SHC3: variants seen among roughly 807,000 people sequenced by gnomAD.
The protein encoded by SHC3 is SHC adaptor protein 3, also known as SHC-transforming protein 3.
Under a neutral mutation model 60.4 loss-of-function variants are expected in SHC3, and 15 were observed. That is an observed-to-expected ratio of 0.25 (90% CI 0.17 to 0.38). The LOEUF (loss-of-function observed/expected upper bound fraction) is 0.38, where lower values mean the gene tolerates loss of function less well. Among genes scored for constraint, SHC3 ranks in the 10% least tolerant of loss-of-function variants. The probability of loss-of-function intolerance (pLI) is 1.00; values close to 1 mark genes in which losing one functional copy is unlikely to be tolerated. For missense variants in SHC3, 677 were observed against 786.1 expected (o/e 0.86, Z 1.66); for synonymous variants, 294 against 325.9 (o/e 0.90, Z 1.05).
chr9:89,045,565 G>A (rs7037021), intron 9 of SHC3, among the ~76,000 whole-genome samples, 181 bp downstream of exon 9: 19,031 of 152,118 alleles, frequency 0.13, 3,574 homozygotes, highest in African/African-American at 0.41. Flanking sequence ...GTGTGCCACC[G>A]CGCCTGACCA....
chr9:89,106,993 A>C (rs2118097326), intron 2 of SHC3, among the ~76,000 whole-genome samples: 1 of 152,218 alleles, frequency 6.6e-6, no homozygotes, highest in East Asian at 1.9e-4. Flanking sequence ...GGAAGGCTCC[A>C]GCCTAATGGG....
intron 1 of SHC3, among the ~76,000 whole-genome samples, chr9:89,146,283 G>T (rs1453823726): frequency 1.3e-5 from 2 of 151,888 alleles, no homozygotes; most frequent in Admixed American, 1.3e-4. Context: ...CTGGAACCTG[G>T]GAGGCGGAGG....
chr9:89,137,599 A>G (rs1826336741), intron 1 of SHC3, among the ~76,000 whole-genome samples: 1 of 152,206 alleles, frequency 6.6e-6, no homozygotes, highest in Non-Finnish European at 1.5e-5. Context: ...ATTAAAAATA[A>G]TAACTCAAGG....
In SHC3 at chr9:89,052,056, T is replaced by C; in HGVS notation, c.943A>G (p.Ile315Val). 1 of 1,614,012 alleles carries C rather than the reference T, an allele frequency of 6.2e-7. No individual in the cohort carries two copies. The highest frequency in any genetic ancestry group is 8.5e-7 in the Non-Finnish European group (1 of 1,179,892). ...ACTCACCGATCATGGAGAGCGGGAA[T>C]CTTGGTAGGACACTGTAAATATTGC... ...FKQYLQCPTK[I>V]PALHDRMQSL... Residue 315 changes from isoleucine (I) to valine (V), a missense_variant, in exon 7 of 12, where the codon ATT (isoleucine) becomes GTT (valine). Coordinates refer to ENST00000375835, the MANE Select transcript of SHC3 (RefSeq NM_016848.6).
chr9:89,081,970 G>A (rs1368918847), intron 2 of SHC3, among the ~76,000 whole-genome samples: 5 of 151,972 alleles, frequency 3.3e-5, no homozygotes, highest in African/African-American at 7.3e-5. Context: ...AGGTGACACT[G>A]ACAGCCCCAG....
intron 11 of SHC3, among the ~76,000 whole-genome samples, chr9:89,035,856 T>TATATATATATA (rs1317555722): frequency 0.016 from 1,449 of 88,124 alleles, 20 homozygotes; most frequent in Middle Eastern, 0.03. Context: ...TATAGATGTG[T>TATATATATATA]GTGTGTGTGT....
intron 2 of SHC3, among the ~76,000 whole-genome samples, chr9:89,080,391 A>G (rs372221788): frequency 1.1e-4 from 17 of 152,294 alleles, no homozygotes; most frequent in African/African-American, 3.9e-4. Flanking sequence ...AGCCAGCCCA[A>G]CCGCCAGATG....
rs1312776370 is a variant in SHC3 at position 89,178,010 on chromosome 9, GC to G, written c.450del (p.Gly152GlufsTer18). 2.4e-6 allele frequency: 3 copies of G among 1,236,020 alleles called. No homozygotes were observed. The highest frequency in any genetic ancestry group is 1.0e-6 in the Non-Finnish European group (1 of 990,732). 76.6% of individuals were successfully genotyped at this position (1,236,020 alleles called of 1,614,324 possible). Reference sequence around the variant, plus strand: ...ACCTTGACCACGTAGGTGACTCCGGGCCCCAGCACCTGGTCGCTGGCGTGCG... The same window carrying G: ...ACCTTGACCACGTAGGTGACTCCGGGCCCAGCACCTGGTCGCTGGCGTGCG... The part of the protein sequence containing the change: ...GAPHASDQVL[G>X]PGVTYVVKYL... On this transcript the variant is annotated frameshift_variant, in exon 1 of 12. Coordinates refer to ENST00000375835, the MANE Select transcript of SHC3 (RefSeq NM_016848.6). LOFTEE classifies it high-confidence loss of function. This position sits in a 1 kb window ranked among gnomAD's most constrained non-coding sequence, Gnocchi z 6.9.
At chr9:89,155,299 C>T (rs767151109) in intron 1 of SHC3, among the ~76,000 whole-genome samples, 5 of 152,310 alleles carry the variant, frequency 3.3e-5, no homozygotes, top group South Asian at 4.1e-4. Flanking sequence ...CGATGCCACA[C>T]GCCCTTAATT....
chr9:89,095,819 C>T (rs112518765), intron 2 of SHC3, among the ~76,000 whole-genome samples: 2 of 152,230 alleles, frequency 1.3e-5, no homozygotes, highest in African/African-American at 4.8e-5. Flanking sequence ...ATTAGTACCT[C>T]CAGTATTCCA....
At chr9:89,107,410 A>G (rs531616898) in intron 2 of SHC3, among the ~76,000 whole-genome samples, 1 of 152,320 alleles carries the variant, frequency 6.6e-6, no homozygotes, top group South Asian at 2.1e-4. Context: ...ATGCCCATGA[A>G]GCCAACACGA....
chr9:89,039,330 G>A (rs371852015), intron 10 of SHC3, among the ~76,000 whole-genome samples: 3 of 152,238 alleles, frequency 2.0e-5, no homozygotes, highest in East Asian at 3.8e-4. Context: ...AGCGTGGGCA[G>A]AAGTGAGGTG....
At chr9:89,080,701 A>T (rs1158046136) in intron 2 of SHC3, among the ~76,000 whole-genome samples, 1 of 151,256 alleles carries the variant, frequency 6.6e-6, no homozygotes, top group Admixed American at 6.6e-5. Context: ...ATTTGTAATG[A>T]AACGATGAAA....
Position 89,013,357 on chromosome 9 carries a change from G to T in SHC3, c.*90C>A. 7.3e-7 allele frequency: 1 copy of T among 1,373,758 alleles called. No homozygotes were observed. 85.1% of individuals were successfully genotyped at this position (1,373,758 alleles called of 1,614,324 possible). On this transcript the variant is annotated 3_prime_UTR_variant, in exon 12 of 12. Coordinates refer to ENST00000375835, the MANE Select transcript of SHC3 (RefSeq NM_016848.6). ...CTTTTGAAGAAGGCTCTGAGCCACA[G>T]GCAGCTGTCCCAGTTCCAGCAGCCC... is the stretch of plus-strand genomic sequence containing the variant.
intron 1 of SHC3, 68 bp from the exon 2 acceptor site, chr9:89,112,694 C>T: frequency 7.1e-7 from 1 of 1,403,974 alleles, no homozygotes; most frequent in Non-Finnish European, 9.6e-7. Flanking sequence ...CCTAACTATA[C>T]AAGGGCATTT....
Position 89,178,643 on chromosome 9 carries a change from C to T in SHC3, c.-183G>A. On this transcript the variant is annotated 5_prime_UTR_variant, in exon 1 of 12. Transcript: ENST00000375835. The surrounding 1 kb of genome is among the most constrained non-coding windows in gnomAD (Gnocchi z 6.9). ...GTGCCCTCCCACCGTTAAAAGCCAG[C>T]ACAGCGGCGGCCGCGCAGCCCCGGC... 4.1e-6 allele frequency: 2 copies of T among 489,606 alleles called. No individual in the cohort carries two copies. Among genetic ancestry groups the T allele is most frequent in the Non-Finnish European group, 6.8e-6 (2 of 295,696 alleles). The allele number at this position is 489,606 out of a possible 1,614,324, so 30.3% of individuals were successfully genotyped here. A position where few individuals can be genotyped will look rare whatever the true frequency, so the allele number is the denominator to read the frequency against.
chr9:89,173,541 A>G (rs1162331371), intron 1 of SHC3, among the ~76,000 whole-genome samples: 1 of 152,242 alleles, frequency 6.6e-6, no homozygotes, highest in Non-Finnish European at 1.5e-5. Flanking sequence ...AATGACTGAG[A>G]TAATTGGGTA....
chr9:89,028,516 C>A (rs1824409716), intron 11 of SHC3, among the ~76,000 whole-genome samples: 1 of 137,800 alleles, frequency 7.3e-6, no homozygotes, highest in Admixed American at 7.3e-5. Flanking sequence ...TAGATTATAT[C>A]TATATAGATA....
intron 1 of SHC3, among the ~76,000 whole-genome samples, chr9:89,131,153 T>C (rs1171871803): frequency 6.6e-6 from 1 of 152,024 alleles, no homozygotes; most frequent in African/African-American, 2.4e-5. Context: ...AACTAAAAAA[T>C]CTAGGAGAAA....
Sources: gnomAD v4.1 joint callset for allele counts (sites outside exome capture counted in the v4.1 genomes callset) on GRCh38, gnomAD v4.1.1 for gene constraint, Gnocchi (gnomAD v3.1) non-coding constraint, MANE v1.5 for transcripts, NCBI Gene and HGNC (gene_info 2026-07-23, HGNC 2026-07-21) for gene names.